The following ATAD2B variants were observed in gnomAD, a reference collection of about 807,000 sequenced individuals.
ATAD2B encodes ATPase family AAA domain-containing protein 2B.
ATAD2B carries 40 observed loss-of-function variants against 167.6 expected under a neutral mutation model. That is an observed-to-expected ratio of 0.24 (90% CI 0.19 to 0.31). ATAD2B has a LOEUF of 0.31. Ranked by LOEUF, ATAD2B falls within the 10% of genes least tolerant of loss-of-function variation. The probability of loss-of-function intolerance (pLI) is 1.00; values close to 1 mark genes in which losing one functional copy is unlikely to be tolerated. For synonymous variants in ATAD2B, 579 were observed against 596.5 expected (o/e 0.97, Z 0.43); for missense variants, 1,242 against 1,757.2 (o/e 0.71, Z 5.24).
intron 1 of ATAD2B, among the ~76,000 whole-genome samples, 167 bp from the exon 2 acceptor site, chr2:23,896,137 GA>G (rs1700121172): frequency 7.0e-6 from 1 of 143,666 alleles, no homozygotes; most frequent in East Asian, 2.0e-4. Context: ...CCAACATGGT[GA>G]AACCCCGCCT....
intron 13 of ATAD2B, among the ~76,000 whole-genome samples, chr2:23,845,762 T>C (rs1360591346): frequency 2.0e-5 from 3 of 151,164 alleles, no homozygotes; most frequent in African/African-American, 4.9e-5. Context: ...GTAGTTTTTG[T>C]AGAGACTGGG....
chr2:23,777,345 C>T (rs1452752883), intron 22 of ATAD2B, among the ~76,000 whole-genome samples: 1 of 99,692 alleles, frequency 1.0e-5, no homozygotes, highest in African/African-American at 3.6e-5. Context: ...TATCATAATA[C>T]TGATATATCT....
At chr2:23,789,145 A>G (rs938124576) in intron 19 of ATAD2B, among the ~76,000 whole-genome samples, 3 of 152,046 alleles carry the variant, frequency 2.0e-5, no homozygotes. Flanking sequence ...CAAAGAAACT[A>G]TACCTCTAGT....
chr2:23,768,441 C>T (rs780943489), intron 22 of ATAD2B, among the ~76,000 whole-genome samples: 5 of 152,002 alleles, frequency 3.3e-5, no homozygotes, highest in Non-Finnish European at 5.9e-5. Flanking sequence ...CATGGTGGTG[C>T]ATGCCTGTGG....
Position 23,757,707 on chromosome 2 carries a change from A to C in ATAD2B, c.3789T>G (p.Leu1263=), listed in dbSNP as rs1484782138. 2.5e-6 allele frequency: 4 copies of C among 1,612,142 alleles called. No individual in the cohort carries two copies. The African/African-American group carries it at 4.0e-5, about 16-fold the overall frequency. The change falls in exon 25 of 28, where the codon CTT becomes CTG. Residue 1263 remains leucine (L), a synonymous_variant. Coordinates refer to ENST00000238789, the MANE Select transcript of ATAD2B (RefSeq NM_017552.4). ...CCTCACCATTTAGACAATTTCCTTT[A>C]AGGAAAGTCTCTTTCCTGGAGGTCT... ...PEQTSRKETF[L]KGNCLNGEAS...
the ATAD2B span, among the ~76,000 whole-genome samples, chr2:23,731,983 C>CAA: frequency 0.052 from 7,173 of 137,782 alleles, 225 homozygotes; most frequent in Non-Finnish European, 0.075. Context: ...TCCTAGGGGG[C>CAA]AAAAAAAAAA....
chr2:23,701,033 TCTGA>T, the ATAD2B span, among the ~76,000 whole-genome samples: 1 of 152,080 alleles, frequency 6.6e-6, no homozygotes. Context: ...CACCCAAATA[TCTGA>T]CTGTCTGCTG....
chr2:23,709,048 C>CTT, the ATAD2B span, among the ~76,000 whole-genome samples: 1 of 151,302 alleles, frequency 6.6e-6, no homozygotes, highest in Non-Finnish European at 1.5e-5. Context: ...TTCTTTTTTT[C>CTT]TTTTTTATTG....
At chr2:23,782,581 G>A (rs1337479003) in intron 22 of ATAD2B, among the ~76,000 whole-genome samples, 4 of 152,108 alleles carry the variant, frequency 2.6e-5, no homozygotes. Context: ...TATCAGCCCT[G>A]CAATTGTTGA....
At chr2:23,881,108 A>G (rs1214219305) in intron 6 of ATAD2B, among the ~76,000 whole-genome samples, 2 of 152,214 alleles carry the variant, frequency 1.3e-5, no homozygotes, top group Non-Finnish European at 2.9e-5. Context: ...TCAATGCTCA[A>G]TTAACCACTA....
At chr2:23,712,153 A>C in the ATAD2B span, among the ~76,000 whole-genome samples, 1 of 152,156 alleles carries the variant, frequency 6.6e-6, no homozygotes, top group Non-Finnish European at 1.5e-5. Context: ...CTCAGCCTTC[A>C]AACCTGGCTC....
intron 8 of ATAD2B, among the ~76,000 whole-genome samples, chr2:23,871,037 T>C (rs1350252302): frequency 6.6e-6 from 1 of 151,638 alleles, no homozygotes; most frequent in Non-Finnish European, 1.5e-5. Flanking sequence ...GTTCATCATA[T>C]CCAAATCAAA....
the ATAD2B span, among the ~76,000 whole-genome samples, chr2:23,683,030 C>T: frequency 6.6e-6 from 1 of 152,246 alleles, no homozygotes; most frequent in Admixed American, 6.5e-5. Context: ...AAGGGCCTGC[C>T]TGGCAATCAG....
chr2:23,688,650 C>T, the ATAD2B span: 1 of 151,944 alleles, frequency 6.6e-6, no homozygotes, highest in African/African-American at 2.4e-5. Flanking sequence ...TCTGACAGAC[C>T]CCATGGGGCC....
At chr2:23,861,000 T>G (rs1460947528) in intron 12 of ATAD2B, among the ~76,000 whole-genome samples, 2 of 151,712 alleles carry the variant, frequency 1.3e-5, no homozygotes, top group Admixed American at 6.6e-5. Context: ...ATAATTCAAC[T>G]ACAAGATAGG....
At chr2:23,878,637 C>T (rs894860443) in intron 7 of ATAD2B, among the ~76,000 whole-genome samples, 2 of 151,824 alleles carry the variant, frequency 1.3e-5, no homozygotes, top group East Asian at 1.9e-4. Context: ...CCAGCCTGGG[C>T]GACAGAGCAA....
chr2:23,787,780 A>T (rs2149411922), intron 20 of ATAD2B, among the ~76,000 whole-genome samples: 1 of 152,158 alleles, frequency 6.6e-6, no homozygotes, highest in South Asian at 2.1e-4. Flanking sequence ...CAGGATTGCT[A>T]CTTCCTAGAA....
intron 16 of ATAD2B, among the ~76,000 whole-genome samples, chr2:23,821,472 G>A (rs1471817724): frequency 5.9e-5 from 9 of 152,136 alleles, no homozygotes; most frequent in African/African-American, 2.2e-4. Flanking sequence ...ATTCCCCTCT[G>A]TCTGCCAAAT....
chr2:23,792,866 G>A (rs188238304), intron 19 of ATAD2B, among the ~76,000 whole-genome samples: 22 of 145,836 alleles, frequency 1.5e-4, no homozygotes, highest in Non-Finnish European at 2.7e-4. Context: ...AGGAGGCTTA[G>A]GCAGAAGAAT....
Sources: allele counts gnomAD v4.1 joint callset (sites outside exome capture counted in the v4.1 genomes callset), GRCh38; gene constraint gnomAD v4.1.1; transcripts MANE v1.5; gene names NCBI Gene and HGNC (gene_info 2026-07-23, HGNC 2026-07-21).